Variants in NKAIN2 observed in about 807,000 individuals in gnomAD.
NKAIN2 encodes sodium/potassium-transporting ATPase subunit beta-1-interacting protein 2.
Under a neutral mutation model 32.6 loss-of-function variants are expected in NKAIN2, and 14 were observed. The ratio of observed to expected loss-of-function variants is 0.43; its 90% CI spans 0.28 to 0.67. The LOEUF is 0.67. Ranked by LOEUF, NKAIN2 falls within the 30% of genes least tolerant of loss-of-function variation. The probability of loss-of-function intolerance (pLI) is 0.17; values close to 1 mark genes in which losing one functional copy is unlikely to be tolerated. For missense variants in NKAIN2, 198 were observed against 258.3 expected, an observed-to-expected ratio of 0.77 and a Z score of 1.60; for synonymous variants, 80 against 87.2, an observed-to-expected ratio of 0.92 and a Z score of 0.46.
chr6:124,439,961 C>T (rs1775622236), intron 3 of NKAIN2, among the ~76,000 whole-genome samples: 1 of 151,996 alleles, frequency 6.6e-6, no homozygotes, highest in Admixed American at 6.6e-5. Context: ...AGGATTAACA[C>T]CTGAGGGTGA....
chr6:124,269,725 C>T (rs1007376427), intron 1 of NKAIN2, among the ~76,000 whole-genome samples: 1 of 152,018 alleles, frequency 6.6e-6, no homozygotes, highest in Non-Finnish European at 1.5e-5. Flanking sequence ...GCCTCGGCCT[C>T]CCAAAGTGCT....
intron 4 of NKAIN2, among the ~76,000 whole-genome samples, chr6:124,723,397 A>G: frequency 6.6e-6 from 1 of 151,076 alleles, no homozygotes; most frequent in East Asian, 2.0e-4. Context: ...ATATATAATG[A>G]TATCTGCCTC....
intron 2 of NKAIN2, among the ~76,000 whole-genome samples, chr6:124,347,622 C>G (rs528195944): frequency 6.6e-6 from 1 of 152,156 alleles, no homozygotes; most frequent in South Asian, 2.1e-4. Context: ...TCCAGTTGAT[C>G]GCATCAGCTC....
At chr6:124,625,651 AAGG>A (rs1783293191) in intron 3 of NKAIN2, among the ~76,000 whole-genome samples, 1 of 152,132 alleles carries the variant, frequency 6.6e-6, no homozygotes, top group African/African-American at 2.4e-5. Flanking sequence ...GTTATTATGA[AAGG>A]AGGAGAGAAG....
rs1216455354 is a variant in NKAIN2 at position 124,301,347 on chromosome 6, G to A, written c.192+18205G>A. On this transcript the variant is annotated intron_variant, in intron 2 of 6. Transcript: ENST00000368417. ...GGAAATGCCTGGATGTCCAGGTAGA[G>A]GTGTCCTGCAGGCGCAGAACCCTCG... Among the ~76,000 whole-genome samples the A allele has an allele frequency of 3.3e-5, 5 of 152,198 alleles. No homozygotes were observed. In the East Asian group the frequency reaches 9.7e-4, roughly 29 times the overall value.
At chr6:124,560,969 G>A (rs1780668209) in intron 3 of NKAIN2, among the ~76,000 whole-genome samples, 1 of 152,100 alleles carries the variant, frequency 6.6e-6, no homozygotes, top group Admixed American at 6.5e-5. Flanking sequence ...TTCTAGTGAA[G>A]CCCAGCAATC....
chr6:124,416,036 C>T (rs1315619345), intron 3 of NKAIN2, among the ~76,000 whole-genome samples: 2 of 151,836 alleles, frequency 1.3e-5, no homozygotes, highest in East Asian at 1.9e-4. Context: ...TATTGCACAG[C>T]GTTTCTCCTT....
At chr6:124,249,914 A>G (rs893809047) in intron 1 of NKAIN2, among the ~76,000 whole-genome samples, 1 of 152,150 alleles carries the variant, frequency 6.6e-6, no homozygotes, top group African/African-American at 2.4e-5. Flanking sequence ...GTCCTGTCAC[A>G]GAAGAAGATA....
At chr6:123,862,918 C>G (rs1403808206) in intron 1 of NKAIN2, among the ~76,000 whole-genome samples, 5 of 152,170 alleles carry the variant, frequency 3.3e-5, no homozygotes, top group Non-Finnish European at 5.9e-5. Context: ...GTCTTATTTA[C>G]CACTGAGTCC....
intron 1 of NKAIN2, among the ~76,000 whole-genome samples, chr6:124,093,699 A>G (rs1784525417): frequency 1.3e-5 from 2 of 152,102 alleles, no homozygotes; most frequent in Non-Finnish European, 2.9e-5. Context: ...CGACAGGAAA[A>G]TTGATTGTAT....
At chr6:123,860,891 A>G (rs182841522) in intron 1 of NKAIN2, among the ~76,000 whole-genome samples, 246 of 152,256 alleles carry the variant, frequency 1.6e-3, no homozygotes, top group Middle Eastern at 3.4e-3. Flanking sequence ...AAAGCCTACC[A>G]GAAATATCAA....
At chr6:124,632,435 A>G (rs1783606653) in intron 3 of NKAIN2, among the ~76,000 whole-genome samples, 1 of 152,058 alleles carries the variant, frequency 6.6e-6, no homozygotes, top group Non-Finnish European at 1.5e-5. Flanking sequence ...CCCTACCCTC[A>G]TCTTGCTACC....
At chr6:124,234,132 C>G (rs1376287340) in intron 1 of NKAIN2, among the ~76,000 whole-genome samples, 1 of 152,104 alleles carries the variant, frequency 6.6e-6, no homozygotes, top group African/African-American at 2.4e-5. Context: ...TCTTGGAAGT[C>G]TTTGCAGACT....
intron 1 of NKAIN2, among the ~76,000 whole-genome samples, chr6:124,275,867 C>T (rs1795006541): frequency 6.6e-6 from 1 of 151,986 alleles, no homozygotes; most frequent in South Asian, 2.1e-4. Context: ...ATCCAGGCAT[C>T]TTAATAACTA....
chr6:124,655,708 T>G (rs1438729383), intron 3 of NKAIN2, among the ~76,000 whole-genome samples: 2 of 152,200 alleles, frequency 1.3e-5, no homozygotes, highest in African/African-American at 4.8e-5. Context: ...CTCTGGTCCC[T>G]GTTTGCAATT....
rs1179363666 is a variant in NKAIN2, at chr6:123,964,744, C to T, written c.54+160490C>T. ...AACCCCATCTGGAAGCTCAGCTCCA[C>T]TCCTGTTCCTGGAGGAAGGCCAGCC... On this transcript the variant is annotated intron_variant, in intron 1 of 6. Coordinates refer to ENST00000368417, the MANE Select transcript of NKAIN2 (RefSeq NM_001040214.3). This position sits in a 1 kb window ranked among gnomAD's most constrained non-coding sequence, Gnocchi z 4.0. Among the ~76,000 whole-genome samples, 1 of 152,154 alleles carries T rather than the reference C, an allele frequency of 6.6e-6. No individual in the cohort carries two copies. The highest frequency in any genetic ancestry group is 2.4e-5 in the African/African-American group (1 of 41,450).
intron 2 of NKAIN2, among the ~76,000 whole-genome samples, chr6:124,317,496 G>C (rs1222778159): frequency 6.6e-6 from 1 of 152,098 alleles, no homozygotes. Context: ...AAGATGTCTA[G>C]TATTGTGTAA....
intron 1 of NKAIN2, among the ~76,000 whole-genome samples, chr6:124,102,011 A>G (rs1784910901): frequency 6.6e-6 from 1 of 152,226 alleles, no homozygotes; most frequent in African/African-American, 2.4e-5. Context: ...TGATGGCCCA[A>G]CACTCACGCA....
chr6:124,116,118 ATCAG>A (rs1379096227), intron 1 of NKAIN2, among the ~76,000 whole-genome samples: 1 of 152,056 alleles, frequency 6.6e-6, no homozygotes, highest in Non-Finnish European at 1.5e-5. Context: ...TTGGGTTAAT[ATCAG>A]TTTTTCAGAT....
Sources: allele counts gnomAD v4.1 joint callset (sites outside exome capture counted in the v4.1 genomes callset), GRCh38; gene constraint gnomAD v4.1.1; non-coding constraint Gnocchi (gnomAD v3.1); transcripts MANE v1.5; gene names NCBI Gene and HGNC (gene_info 2026-07-23, HGNC 2026-07-21).